ARRB1: variants seen among roughly 807,000 people sequenced by gnomAD.
The protein encoded by ARRB1 is arrestin beta 1.
A neutral mutation model predicts 56.8 loss-of-function variants in ARRB1; 21 were observed. The observed-to-expected ratio is 0.37, with a 90% CI of 0.26 to 0.53. The LOEUF (loss-of-function observed/expected upper bound fraction) is 0.53. Among genes scored for constraint, ARRB1 ranks in the 20% least tolerant of loss-of-function variants. The pLI is 0.88. For missense variants in ARRB1, 424 were observed against 553.7 expected (o/e 0.77, Z 2.35); for synonymous variants, 210 against 218.6 (o/e 0.96, Z 0.35).
At chr11:75,335,228 C>A in intron 1 of ARRB1, 1 of 189,556 alleles carries the variant, frequency 5.3e-6, no homozygotes, top group Non-Finnish European at 1.3e-5. Flanking sequence ...AGTCCCGCTG[C>A]TACTTAACCC....
At chr11:75,306,224 C>T (rs1565130281) in intron 1 of ARRB1, among the ~76,000 whole-genome samples, 1 of 152,140 alleles carries the variant, frequency 6.6e-6, no homozygotes, top group Non-Finnish European at 1.5e-5. Flanking sequence ...AAAGGAGTTC[C>T]CTGGGCAACT....
chr11:75,350,794 C>T (rs980591948), intron 1 of ARRB1, among the ~76,000 whole-genome samples: 1 of 152,072 alleles, frequency 6.6e-6, no homozygotes, highest in African/African-American at 2.4e-5. Flanking sequence ...CTGGGGGTGG[C>T]GGGGGGCGCT....
In ARRB1 at chr11:75,317,858, T is replaced by G. The variant is rs375612677; in HGVS notation, c.21-27819A>C. On this transcript the variant is annotated intron_variant, in intron 1 of 15. Coordinates refer to ENST00000420843, the MANE Select transcript of ARRB1 (RefSeq NM_004041.5). ...AAAGGTGAAGTGACTTCCTAGAGGT[T>G]ACCCCCTAGCCTGGGTCACGGCAGG... 7.2e-5 allele frequency among the ~76,000 whole-genome samples: 11 copies of G among 152,266 alleles called. No homozygotes were observed. The East Asian group carries it at 2.1e-3, about 29-fold the overall frequency.
At chr11:75,336,359 C>G (rs1947602843) in intron 1 of ARRB1, among the ~76,000 whole-genome samples, 1 of 152,106 alleles carries the variant, frequency 6.6e-6, no homozygotes, top group Admixed American at 6.5e-5. Context: ...CCCTGCCAAG[C>G]TGCAGATGGC....
chr11:75,307,325 G>A (rs551121494), intron 1 of ARRB1, among the ~76,000 whole-genome samples: 26 of 152,262 alleles, frequency 1.7e-4, no homozygotes, highest in African/African-American at 5.8e-4. Context: ...ATCAGACAGG[G>A]GTCCTTCCTG....
At chr11:75,338,081 C>T (rs1372174905) in intron 1 of ARRB1, among the ~76,000 whole-genome samples, 1 of 151,956 alleles carries the variant, frequency 6.6e-6, no homozygotes, top group African/African-American at 2.4e-5. Flanking sequence ...GTCAATGCAG[C>T]CAGGTTGTTA....
intron 1 of ARRB1, among the ~76,000 whole-genome samples, chr11:75,300,202 C>CAAAAAAAAAAA (rs10557397): frequency 5.7e-5 from 5 of 87,328 alleles, no homozygotes; most frequent in South Asian, 3.7e-4. Flanking sequence ...GACTCTGTCT[C>CAAAAAAAAAAA]AAAAAAAAAA....
chr11:75,307,405 C>T (rs1947056759), intron 1 of ARRB1, among the ~76,000 whole-genome samples: 1 of 152,150 alleles, frequency 6.6e-6, no homozygotes, highest in African/African-American at 2.4e-5. Flanking sequence ...GATCCCCCAT[C>T]AGATTGGAGG....
At chr11:75,304,480 G>A (rs1431753156) in intron 1 of ARRB1, among the ~76,000 whole-genome samples, 1 of 152,046 alleles carries the variant, frequency 6.6e-6, no homozygotes, top group Non-Finnish European at 1.5e-5. Flanking sequence ...TGCCCACGGT[G>A]TGCTGAGCTG....
chr11:75,325,598 T>C (rs1164520639), intron 1 of ARRB1, among the ~76,000 whole-genome samples: 1 of 152,212 alleles, frequency 6.6e-6, no homozygotes, highest in African/African-American at 2.4e-5. Context: ...GTTGGGATTA[T>C]AGGCGTGAGC....
At chr11:75,306,589 G>A (rs139667845) in intron 1 of ARRB1, 1 of 1,289,176 alleles carries the variant, frequency 7.8e-7, no homozygotes, top group East Asian at 5.5e-5. Context: ...ATTCAGTGGA[G>A]TGAAGAGGCC....
intron 10 of ARRB1, 114 bp downstream of exon 10, chr11:75,276,725 G>A: frequency 1.0e-6 from 1 of 990,274 alleles, no homozygotes; most frequent in Non-Finnish European, 1.5e-6. Context: ...GAAGTCTGAG[G>A]CCCAGCCCTC....
At chr11:75,311,933 G>A in intron 1 of ARRB1, 1 of 824,536 alleles carries the variant, frequency 1.2e-6, no homozygotes, top group Non-Finnish European at 1.7e-6. Flanking sequence ...GGCTGGCTGA[G>A]AGGGGACGGC....
At chr11:75,319,625 C>A (rs1947314244) in intron 1 of ARRB1, among the ~76,000 whole-genome samples, 1 of 152,178 alleles carries the variant, frequency 6.6e-6, no homozygotes, top group Non-Finnish European at 1.5e-5. Flanking sequence ...CCATTCACTG[C>A]ACAAAAATTT....
chr11:75,327,301 CAAAAAAAA>C (rs777940901), intron 1 of ARRB1, among the ~76,000 whole-genome samples: 207 of 60,262 alleles, frequency 3.4e-3, no homozygotes, highest in South Asian at 0.021. Context: ...AACTCCATCT[CAAAAAAAA>C]AAAAAAAAAA....
At chr11:75,343,489 C>T (rs925179534) in intron 1 of ARRB1, among the ~76,000 whole-genome samples, 4 of 152,154 alleles carry the variant, frequency 2.6e-5, no homozygotes. Flanking sequence ...CGATAAGAAC[C>T]GCATAAAACT....
chr11:75,283,300 G>A lies in ARRB1; in HGVS notation c.341C>T (p.Pro114Leu). ...GCAGTTCCTGACCTCAAAGGTGAAA[G>A]GGTAAGCGTGCTCGCCCAGCTTCTT... ...LIKKLGEHAY[P>L]FTFEIPPNLP... The change falls in exon 5 of 16, where the codon CCT becomes CTT. Residue 114 changes from proline (P) to leucine (L), a missense_variant. Around this residue, in one of 3 missense-constraint regions of ARRB1, gnomAD observed 301 missense variants for 387.9 expected, o/e 0.78. Coordinates refer to ENST00000420843, the MANE Select transcript of ARRB1 (RefSeq NM_004041.5). 1 of 1,609,542 alleles carries A rather than the reference G, an allele frequency of 6.2e-7. No homozygotes were observed. The highest frequency in any genetic ancestry group is 8.5e-7 in the Non-Finnish European group (1 of 1,177,592).
chr11:75,327,142 A>G (rs1422709797), intron 1 of ARRB1, among the ~76,000 whole-genome samples: 3 of 151,806 alleles, frequency 2.0e-5, no homozygotes, highest in Non-Finnish European at 2.9e-5. Context: ...CTCTACTAAA[A>G]ATACAAAAAA....
chr11:75,324,009 C>T (rs1191870044), intron 1 of ARRB1, among the ~76,000 whole-genome samples: 2 of 152,056 alleles, frequency 1.3e-5, no homozygotes, highest in African/African-American at 2.4e-5. Flanking sequence ...AGTTTAATCA[C>T]AATGGAGCTT....
Sources: gnomAD v4.1 joint callset for allele counts (sites outside exome capture counted in the v4.1 genomes callset) on GRCh38, gnomAD v4.1.1 for gene constraint, gnomAD v4.1.1 regional missense constraint, MANE v1.5 for transcripts, NCBI Gene and HGNC (gene_info 2026-07-23, HGNC 2026-07-21) for gene names.